Variants in SLC39A11 observed in about 807,000 individuals in gnomAD.
The protein encoded by SLC39A11 is solute carrier family 39 member 11.
A neutral mutation model predicts 36.1 loss-of-function variants in SLC39A11; 33 were observed. That is an observed-to-expected ratio of 0.91 (90% confidence interval 0.69 to 1.22). The LOEUF (loss-of-function observed/expected upper bound fraction) is 1.22. SLC39A11 is among the 50% of genes most tolerant of loss of function. The pLI is 0.00. For synonymous variants in SLC39A11, 166 were observed against 170.3 expected, an observed-to-expected ratio of 0.97 and a Z score of 0.20; for missense variants, 432 against 430.3, an observed-to-expected ratio of 1.00 and a Z score of -0.03.
intron 5 of SLC39A11, among the ~76,000 whole-genome samples, chr17:72,872,220 C>T (rs765063439): frequency 6.6e-5 from 10 of 152,152 alleles, no homozygotes; most frequent in South Asian, 2.1e-4. Context: ...ACCCACATCC[C>T]TGGATTTACA....
chr17:72,913,616 C>G (rs16977433), intron 5 of SLC39A11, among the ~76,000 whole-genome samples: 7,537 of 152,156 alleles, frequency 0.05, 627 homozygotes, highest in African/African-American at 0.17. Context: ...CCGTGGGAAA[C>G]AAATGAGAGC....
chr17:72,794,002 AG>A (rs1480686828), intron 6 of SLC39A11, among the ~76,000 whole-genome samples: 2 of 152,274 alleles, frequency 1.3e-5, no homozygotes, highest in Admixed American at 6.5e-5. Flanking sequence ...AGGGACCCAT[AG>A]TCCTGCCTCT....
At chr17:73,028,277 C>T (rs977719307) in intron 4 of SLC39A11, among the ~76,000 whole-genome samples, 16 of 152,184 alleles carry the variant, frequency 1.1e-4, no homozygotes, top group African/African-American at 3.9e-4. Flanking sequence ...ACTATAAACG[C>T]GTGGGTGCTC....
At chr17:72,737,417 T>C (rs1233667509) in intron 6 of SLC39A11, among the ~76,000 whole-genome samples, 1 of 152,170 alleles carries the variant, frequency 6.6e-6, no homozygotes, top group Non-Finnish European at 1.5e-5. Context: ...AGTTGAGTAG[T>C]TGGGACAGAA....
intron 6 of SLC39A11, among the ~76,000 whole-genome samples, chr17:72,777,106 C>A (rs757059965): frequency 2.6e-5 from 4 of 152,102 alleles, no homozygotes; most frequent in African/African-American, 9.7e-5. Flanking sequence ...CCTGAATAAA[C>A]GTATTCACAC....
chr17:72,947,590 C>T, intron 5 of SLC39A11, 162 bp downstream of exon 5: 1 of 993,628 alleles, frequency 1.0e-6, no homozygotes, highest in South Asian at 1.5e-5. Flanking sequence ...GGGCCAGATG[C>T]CAGTTTAGCT....
chr17:72,805,930 A>G lies in SLC39A11; in HGVS notation c.601+43704T>C, dbSNP rs370413660. Among the ~76,000 whole-genome samples the G allele has an allele frequency of 2.0e-3, 301 of 151,612 alleles. 2 individuals are homozygous for G. Among genetic ancestry groups the G allele is most frequent in the African/African-American group, 6.8e-3 (281 of 41,296 alleles). On this transcript the variant is annotated intron_variant, in intron 6 of 9. Coordinates refer to ENST00000255559, the MANE Select transcript of SLC39A11 (RefSeq NM_139177.4). ...TGCCCAGCTAATTTTTTTTTGTATT[A>G]TAGTAGAGACAGGATTTTGCCAGGT...
intron 4 of SLC39A11, among the ~76,000 whole-genome samples, chr17:72,989,453 G>A (rs1012963752): frequency 6.6e-6 from 1 of 152,184 alleles, no homozygotes; most frequent in Non-Finnish European, 1.5e-5. Flanking sequence ...ATTCCATTAC[G>A]TCAAATCATT....
At chr17:72,665,828 C>G (rs1195465660) in intron 7 of SLC39A11, among the ~76,000 whole-genome samples, 2 of 151,862 alleles carry the variant, frequency 1.3e-5, no homozygotes, top group Non-Finnish European at 2.9e-5. Flanking sequence ...CTTTTGATAG[C>G]ATTTATTATC....
At chr17:72,694,881 C>A (rs539925024) in intron 7 of SLC39A11, among the ~76,000 whole-genome samples, 3 of 152,198 alleles carry the variant, frequency 2.0e-5, no homozygotes, top group African/African-American at 7.2e-5. Flanking sequence ...ACATCCATTA[C>A]GATATTTCCT....
At chr17:72,877,246 G>C (rs947306542) in intron 5 of SLC39A11, among the ~76,000 whole-genome samples, 18 of 152,182 alleles carry the variant, frequency 1.2e-4, no homozygotes, top group African/African-American at 4.3e-4. Context: ...GCCAGAAAAG[G>C]CTTTGTGATC....
intron 3 of SLC39A11, among the ~76,000 whole-genome samples, chr17:73,079,045 C>T (rs1157441792): frequency 6.6e-6 from 1 of 152,038 alleles, no homozygotes; most frequent in South Asian, 2.1e-4. Context: ...TTCTATTTCA[C>T]CACAGAATAT....
chr17:73,062,835 C>T (rs924839533), intron 3 of SLC39A11, among the ~76,000 whole-genome samples: 2 of 152,186 alleles, frequency 1.3e-5, no homozygotes, highest in African/African-American at 4.8e-5. Flanking sequence ...AGATCCCTTG[C>T]ACGTGCAGTT....
chr17:72,703,428 G>A (rs2072740193), intron 7 of SLC39A11, among the ~76,000 whole-genome samples: 2 of 152,140 alleles, frequency 1.3e-5, no homozygotes, highest in Admixed American at 6.5e-5. Flanking sequence ...AGGAGACACA[G>A]TAAGCAAAAG....
At chr17:72,847,700 A>G (rs2079115122) in intron 6 of SLC39A11, among the ~76,000 whole-genome samples, 2 of 152,192 alleles carry the variant, frequency 1.3e-5, no homozygotes, top group South Asian at 2.1e-4. Flanking sequence ...CACTTTAAAG[A>G]CGACAAAAAA....
intron 6 of SLC39A11, among the ~76,000 whole-genome samples, chr17:72,810,243 C>T (rs930462972): frequency 6.4e-4 from 97 of 152,068 alleles, no homozygotes; most frequent in Non-Finnish European, 3.4e-4. Context: ...ACAATTCTAC[C>T]CCTAGGTACA....
At chr17:73,055,396 A>C (rs2059632003) in intron 3 of SLC39A11, among the ~76,000 whole-genome samples, 1 of 152,024 alleles carries the variant, frequency 6.6e-6, no homozygotes, top group Non-Finnish European at 1.5e-5. Context: ...GGCCTGGGAC[A>C]TAGACTAACT....
chr17:72,985,757 C>A (rs1267950942), intron 4 of SLC39A11, among the ~76,000 whole-genome samples: 1 of 152,132 alleles, frequency 6.6e-6, no homozygotes, highest in Non-Finnish European at 1.5e-5. Flanking sequence ...AATCTTCCTG[C>A]AATCGATGCC....
intron 3 of SLC39A11, among the ~76,000 whole-genome samples, chr17:73,036,856 C>T (rs1280935745): frequency 6.6e-6 from 1 of 152,168 alleles, no homozygotes; most frequent in Non-Finnish European, 1.5e-5. Flanking sequence ...TTTCACTGCC[C>T]TAAAAAGTCC....
Sources: gnomAD v4.1 joint callset for allele counts (sites outside exome capture counted in the v4.1 genomes callset) on GRCh38, gnomAD v4.1.1 for gene constraint, MANE v1.5 for transcripts, NCBI Gene and HGNC (gene_info 2026-07-23, HGNC 2026-07-21) for gene names.